Variants in SPEN observed in about 807,000 individuals in gnomAD.
The protein encoded by SPEN is msx2-interacting protein.
A neutral mutation model predicts 269.9 loss-of-function variants in SPEN; 18 were observed. The observed-to-expected ratio is 0.07, with a 90% CI of 0.05 to 0.10. The LOEUF is 0.10. SPEN is among the 10% of genes least tolerant of loss of function. SPEN has a pLI of 1.00. For synonymous variants in SPEN, 1,726 were observed against 1,765.7 expected, an observed-to-expected ratio of 0.98 and a Z score of 0.56; for missense variants, 3,822 against 4,631.2, an observed-to-expected ratio of 0.83 and a Z score of 5.07.
intron 5 of SPEN, 26 bp downstream of exon 5, chr1:15,911,327 A>G (rs1257246081): frequency 6.3e-7 from 1 of 1,593,842 alleles, no homozygotes; most frequent in Admixed American, 1.7e-5. Context: ...GCTGAGTTTG[A>G]GTTACTCATC....
At chr1:15,888,415 C>T (rs911425012) in intron 3 of SPEN, among the ~76,000 whole-genome samples, 5 of 151,948 alleles carry the variant, frequency 3.3e-5, no homozygotes, top group Non-Finnish European at 7.4e-5. Context: ...CCTCCACCTC[C>T]CAGGTTCAAG....
chr1:15,871,094 G>C (rs2070568444), intron 1 of SPEN, among the ~76,000 whole-genome samples: 2 of 151,996 alleles, frequency 1.3e-5, no homozygotes, highest in Non-Finnish European at 2.9e-5. Flanking sequence ...TCAGCCTCCT[G>C]AGTAGCTGGG....
At chr1:15,915,701 A>G (rs936762177) in intron 5 of SPEN, among the ~76,000 whole-genome samples, 3 of 151,836 alleles carry the variant, frequency 2.0e-5, no homozygotes, top group Non-Finnish European at 2.9e-5. Flanking sequence ...TACTTGGCTA[A>G]TTTTTTGTAT....
chr1:15,931,807 A>T lies in SPEN; in HGVS notation c.5567A>T (p.Asn1856Ile). The change falls in exon 11 of 15, where the codon AAT becomes ATT. Residue 1856 changes from asparagine (N) to isoleucine (I), a missense_variant. Around this residue, in one of 16 missense-constraint regions of SPEN, gnomAD observed 533 missense variants for 618.8 expected, o/e 0.86. Transcript: ENST00000375759. The surrounding 1 kb of genome is among the most constrained non-coding windows in gnomAD (Gnocchi z 4.8). ...GACCGGGAAAAACTCAAGCGGTCCA[A>T]TTCTCCTCGGGGAGAAGCACAGAAG... is the stretch of plus-strand genomic sequence containing the variant. ...RIDREKLKRS[N>I]SPRGEAQKLL... is the part of the protein sequence containing the mutation. 3.7e-6 allele frequency: 6 copies of T among 1,614,232 alleles called. No homozygotes were observed. The highest frequency in any genetic ancestry group is 4.2e-6 in the Non-Finnish European group (5 of 1,180,044).
intron 1 of SPEN, among the ~76,000 whole-genome samples, chr1:15,869,063 ATTTATT>A (rs2070546426): frequency 6.6e-6 from 1 of 151,916 alleles, no homozygotes; most frequent in African/African-American, 2.4e-5. Context: ...TTATTTATTA[ATTTATT>A]TTCGAGATGG....
chr1:15,904,444 C>T (rs1396647712), intron 3 of SPEN, among the ~76,000 whole-genome samples: 1 of 57,970 alleles, frequency 1.7e-5, no homozygotes, highest in Non-Finnish European at 3.2e-5. Context: ...AAGAGCGAAA[C>T]TCCATCTCAA....
chr1:15,913,540 C>T (rs900469500), intron 5 of SPEN, among the ~76,000 whole-genome samples: 12 of 151,982 alleles, frequency 7.9e-5, no homozygotes, highest in Non-Finnish European at 1.6e-4. Flanking sequence ...CTCACCAAAA[C>T]CTCGACCTCC....
At chr1:15,913,811 C>G (rs1466073251) in intron 5 of SPEN, among the ~76,000 whole-genome samples, 1 of 152,034 alleles carries the variant, frequency 6.6e-6, no homozygotes, top group East Asian at 1.9e-4. Context: ...AAGCTATGAT[C>G]CCACCACTGC....
At chr1:15,881,620 A>C (rs775788252) in intron 3 of SPEN, among the ~76,000 whole-genome samples, 6 of 152,252 alleles carry the variant, frequency 3.9e-5, no homozygotes, top group Non-Finnish European at 8.8e-5. Flanking sequence ...TGAAGGATAA[A>C]GCAAAATTGA....
In SPEN at chr1:15,933,295, T is replaced by C. The variant is rs2071240597; in HGVS notation, c.7055T>C (p.Val2352Ala). 1.9e-6 allele frequency: 3 copies of C among 1,613,934 alleles called. No individual in the cohort carries two copies. Among genetic ancestry groups the C allele is most frequent in the Non-Finnish European group, 2.5e-6 (3 of 1,180,030 alleles). The change falls in exon 11 of 15, where the codon GTA becomes GCA. Residue 2352 changes from valine (V) to alanine (A), a missense_variant. Transcript: ENST00000375759. The surrounding 1 kb of genome is among the most constrained non-coding windows in gnomAD (Gnocchi z 5.7). The stretch of plus-strand genomic sequence containing the variant: ...ACAAACAAGAAAGTGGTGGCTCCTG[T>C]AGAGAGCCATGTCCCTGAATCCAAC... ...RNTNKKVVAP[V>A]ESHVPESNQA...
intron 5 of SPEN, among the ~76,000 whole-genome samples, chr1:15,914,932 A>G (rs1167135461): frequency 6.6e-6 from 1 of 152,226 alleles, no homozygotes; most frequent in African/African-American, 2.4e-5. Context: ...ATCTGTTTTC[A>G]TAGTTACTCT....
At chr1:15,874,008 A>C in intron 2 of SPEN, 1 of 1,212,814 alleles carries the variant, frequency 8.2e-7, no homozygotes, top group Non-Finnish European at 1.0e-6. Flanking sequence ...GATGGCTACA[A>C]AAGTGAACTA....
intron 4 of SPEN, 130 bp from the exon 5 acceptor site, chr1:15,910,971 T>C (rs1376801606): frequency 5.6e-6 from 4 of 714,696 alleles, no homozygotes; most frequent in Admixed American, 5.9e-5. Context: ...GACCTTGTTA[T>C]GACATTAGTA....
At chr1:15,906,606 G>A (rs1276423060) in intron 3 of SPEN, among the ~76,000 whole-genome samples, 4 of 151,276 alleles carry the variant, frequency 2.6e-5, no homozygotes, top group African/African-American at 7.3e-5. Flanking sequence ...TTACAGGCAC[G>A]TCATGTGCCA....
In SPEN at chr1:15,934,969, A is replaced by G; in HGVS notation, c.8729A>G (p.Glu2910Gly). Residue 2910 changes from glutamate to glycine, a missense_variant, in exon 11 of 15, where the codon GAG becomes GGG. Around this residue, in one of 16 missense-constraint regions of SPEN, gnomAD observed 329 missense variants for 431.2 expected, o/e 0.76. Transcript: ENST00000375759. This position sits in a 1 kb window ranked among gnomAD's most constrained non-coding sequence, Gnocchi z 9.2. ...GTGAAGGCCGATAGGCCATCCTTGGAGAAGCCCGAGCCCATTCACCTCTCG... is the reference window on the plus strand; with the variant it reads ...GTGAAGGCCGATAGGCCATCCTTGGGGAAGCCCGAGCCCATTCACCTCTCG... The part of the protein sequence containing the change: ...SSVKADRPSL[E>G]KPEPIHLSVS... The G allele has an allele frequency of 1.2e-6, 2 of 1,613,974 alleles. No homozygotes were observed. Among genetic ancestry groups the G allele is most frequent in the South Asian group, 2.2e-5 (2 of 91,072 alleles).
Position 15,939,449 on chromosome 1 carries a change from C to G in SPEN, c.*22C>G, listed in dbSNP as rs1570078571. On this transcript the variant is annotated 3_prime_UTR_variant, in exon 15 of 15. Transcript: ENST00000375759. This position sits in a 1 kb window ranked among gnomAD's most constrained non-coding sequence, Gnocchi z 4.1. ...GTGAGCCACTGAGTGGTTATCACCT[C>G]AGTGAATCTTCCCAGGGCTCTGCAG... 1 of 1,559,692 alleles carries G rather than the reference C, an allele frequency of 6.4e-7. No individual in the cohort carries two copies. The highest frequency in any genetic ancestry group is 1.7e-4 in the Middle Eastern group (1 of 5,878).
Position 15,932,900 on chromosome 1 carries a change from C to T in SPEN, c.6660C>T (p.Gly2220=). The T allele has an allele frequency of 6.2e-7, 1 of 1,614,268 alleles. No homozygotes were observed. The highest frequency in any genetic ancestry group is 8.5e-7 in the Non-Finnish European group (1 of 1,180,048). The change falls in exon 11 of 15, where the codon GGC becomes GGT. Residue 2220 remains glycine (G), a synonymous_variant. Transcript: ENST00000375759. This position sits in a 1 kb window ranked among gnomAD's most constrained non-coding sequence, Gnocchi z 4.2. ...AAACAGAGCTGGCTGCGGCCATCGG[C>T]TCCATCATCAATGACATTTCTGGGG... The part of the protein sequence containing the change: ...ASETELAAAI[G]SIINDISGEP...
At chr1:15,856,871 A>T (rs985900233) in intron 1 of SPEN, among the ~76,000 whole-genome samples, 2 of 151,870 alleles carry the variant, frequency 1.3e-5, no homozygotes, top group African/African-American at 4.8e-5. Context: ...CCTGGCCTAG[A>T]TACTTTTATT....
intron 10 of SPEN, among the ~76,000 whole-genome samples, chr1:15,923,224 TG>T (rs2071135616): frequency 6.6e-6 from 1 of 152,234 alleles, no homozygotes; most frequent in African/African-American, 2.4e-5. Flanking sequence ...GATTTCCTCT[TG>T]TTAATACTTT....
Sources: gnomAD v4.1 joint callset for allele counts (sites outside exome capture counted in the v4.1 genomes callset) on GRCh38, gnomAD v4.1.1 for gene constraint, gnomAD v4.1.1 regional missense constraint, Gnocchi (gnomAD v3.1) non-coding constraint, MANE v1.5 for transcripts, NCBI Gene and HGNC (gene_info 2026-07-23, HGNC 2026-07-21) for gene names.